Variants in IL6R observed in about 807,000 individuals in gnomAD.
IL6R encodes interleukin 6 receptor.
In IL6R, 38 loss-of-function variants were observed where a neutral mutation model predicts 48.3. The observed-to-expected ratio is 0.79, with a 90% CI of 0.61 to 1.03. IL6R has a LOEUF of 1.03. Among genes scored for constraint, IL6R ranks in the 50% least tolerant of loss-of-function variants. The probability of loss-of-function intolerance (pLI) is 0.00; values close to 1 mark genes in which losing one functional copy is unlikely to be tolerated. For synonymous variants in IL6R, 264 were observed against 256.2 expected (o/e 1.03, Z -0.29); for missense variants, 534 against 618.3 (o/e 0.86, Z 1.45).
chr1:154,438,963 A>G (rs958629080), intron 6 of IL6R, among the ~76,000 whole-genome samples: 8 of 152,166 alleles, frequency 5.3e-5, no homozygotes, highest in Non-Finnish European at 7.4e-5. Flanking sequence ...TAGGGAGACC[A>G]TTTTAATAAA....
At chr1:154,416,492 C>A (rs1688361688) in intron 1 of IL6R, among the ~76,000 whole-genome samples, 1 of 151,992 alleles carries the variant, frequency 6.6e-6, no homozygotes, top group Non-Finnish European at 1.5e-5. Flanking sequence ...ATTTTTAATG[C>A]CGAGTCTTCC....
At chr1:154,408,822 A>T (rs1687874258) in intron 1 of IL6R, among the ~76,000 whole-genome samples, 1 of 152,106 alleles carries the variant, frequency 6.6e-6, no homozygotes, top group African/African-American at 2.4e-5. Flanking sequence ...GCTCTGTAAT[A>T]CGGTAGCCAC....
At chr1:154,437,493 A>T (rs1350605565) in intron 6 of IL6R, 2 of 447,618 alleles carry the variant, frequency 4.5e-6, no homozygotes, top group Non-Finnish European at 9.1e-6. Context: ...AGCTCACGGC[A>T]ACTTCTGCCT....
rs1688778705 is a variant in IL6R, at chr1:154,423,196, C to T, written c.86-6000C>T. Among the ~76,000 whole-genome samples, 3 of 149,050 alleles carry T rather than the reference C, an allele frequency of 2.0e-5. No homozygotes were observed. The South Asian group carries it at 6.3e-4, about 31-fold the overall frequency. On this transcript the variant is annotated intron_variant, in intron 1 of 9. Transcript: ENST00000368485. ...TCAGTGCCCACTGCGCTCTGCCGTGCCCTCTCCCTCCTTCCTAGAAATCCT... is the reference window on the plus strand; with the variant it reads ...TCAGTGCCCACTGCGCTCTGCCGTGTCCTCTCCCTCCTTCCTAGAAATCCT...
intron 1 of IL6R, chr1:154,418,371 C>T (rs572065010): frequency 2.0e-6 from 2 of 983,114 alleles, no homozygotes; most frequent in Admixed American, 6.1e-5. Flanking sequence ...GAGCCTCCCT[C>T]CCAGACCCTC....
At chr1:154,411,866 TCAA>T (rs894193550) in intron 1 of IL6R, among the ~76,000 whole-genome samples, 8 of 151,282 alleles carry the variant, frequency 5.3e-5, no homozygotes, top group Admixed American at 6.6e-5. Context: ...AGACCCTGTC[TCAA>T]CAACAACAAC....
At chr1:154,446,396 T>C (rs560126973) in intron 6 of IL6R, among the ~76,000 whole-genome samples, 1 of 152,142 alleles carries the variant, frequency 6.6e-6, no homozygotes, top group Non-Finnish European at 1.5e-5. Context: ...CTGGAAACCC[T>C]CCCTGACGCC....
At chr1:154,417,120 TAAAA>T (rs1020539689) in intron 1 of IL6R, among the ~76,000 whole-genome samples, 1 of 151,968 alleles carries the variant, frequency 6.6e-6, no homozygotes, top group Non-Finnish European at 1.5e-5. Context: ...CAGAAGCACA[TAAAA>T]AAAATCTGAC....
chr1:154,435,942 C>T (rs757964783), intron 5 of IL6R, 27 bp from the exon 6 acceptor site: 3 of 1,579,174 alleles, frequency 1.9e-6, no homozygotes, highest in South Asian at 2.3e-5. Flanking sequence ...GGATACCTCC[C>T]CAGAGTCACC....
chr1:154,436,876 G>A (rs996525609), intron 6 of IL6R, among the ~76,000 whole-genome samples: 1 of 152,172 alleles, frequency 6.6e-6, no homozygotes, highest in Non-Finnish European at 1.5e-5. Flanking sequence ...AAGATATGAA[G>A]AATAATTATC....
At chr1:154,426,476 G>A (rs1475430798) in intron 1 of IL6R, among the ~76,000 whole-genome samples, 3 of 150,672 alleles carry the variant, frequency 2.0e-5, no homozygotes, top group Admixed American at 6.6e-5. Context: ...AGCCGAGATC[G>A]CGCCATTGCA....
At chr1:154,413,002 C>T (rs944038339) in intron 1 of IL6R, among the ~76,000 whole-genome samples, 3 of 139,232 alleles carry the variant, frequency 2.2e-5, no homozygotes, top group Middle Eastern at 3.4e-3. Context: ...TTATCTGGTT[C>T]CCCCCCTTTT....
At chr1:154,422,211 G>A (rs763249185) in intron 1 of IL6R, among the ~76,000 whole-genome samples, 8 of 152,146 alleles carry the variant, frequency 5.3e-5, no homozygotes, top group South Asian at 2.1e-4. Context: ...CACAGTGCTG[G>A]GATTACAGGC....
chr1:154,413,510 T>C (rs1180998953), intron 1 of IL6R, among the ~76,000 whole-genome samples: 1 of 152,222 alleles, frequency 6.6e-6, no homozygotes, highest in African/African-American at 2.4e-5. Context: ...TCCAGCAGCA[T>C]TGTGAGAATG....
rs1459634334 is a variant in IL6R, at chr1:154,429,224, G to A, written c.114G>A (p.Leu38=). The change falls in exon 2 of 10, where the codon CTG becomes CTA. Residue 38 remains leucine, a synonymous_variant. Transcript: ENST00000368485. ...QEVARGVLTS[L]PGDSVTLTCP... The stretch of plus-strand genomic sequence containing the variant: ...TGGCGAGAGGCGTGCTGACCAGTCT[G>A]CCAGGAGACAGCGTGACTCTGACCT... The A allele has an allele frequency of 6.2e-7, 1 of 1,613,564 alleles. No individual in the cohort carries two copies. The highest frequency in any genetic ancestry group is 8.5e-7 in the Non-Finnish European group (1 of 1,179,628).
At chr1:154,414,724 G>A (rs951262451) in intron 1 of IL6R, 1 of 815,014 alleles carries the variant, frequency 1.2e-6, no homozygotes, top group African/African-American at 1.7e-5. Flanking sequence ...TTGCTCCAGG[G>A]ACACAGGGTT....
chr1:154,415,233 T>A (rs1352354201), intron 1 of IL6R: 4 of 625,974 alleles, frequency 6.4e-6, no homozygotes, highest in Non-Finnish European at 1.1e-5. Context: ...TCCAATATTT[T>A]AAAAGATTCT....
chr1:154,453,603 G>A (rs1570999898), intron 8 of IL6R, among the ~76,000 whole-genome samples: 1 of 152,302 alleles, frequency 6.6e-6, no homozygotes, highest in African/African-American at 2.4e-5. Flanking sequence ...AAGCTGGTTT[G>A]TTCTTTCCTT....
intron 1 of IL6R, chr1:154,418,342 C>T: frequency 1.2e-6 from 1 of 861,922 alleles, no homozygotes; most frequent in Non-Finnish European, 1.4e-6. Flanking sequence ...TTGAGCATTA[C>T]CTGTTTATGG....
Sources: allele counts gnomAD v4.1 joint callset (sites outside exome capture counted in the v4.1 genomes callset), GRCh38; gene constraint gnomAD v4.1.1; transcripts MANE v1.5; gene names NCBI Gene and HGNC (gene_info 2026-07-23, HGNC 2026-07-21).